SLC1A7: variants seen among roughly 807,000 people sequenced by gnomAD.
The protein encoded by SLC1A7 is excitatory amino acid transporter 5.
SLC1A7 carries 40 observed loss-of-function variants against 47.7 expected under a neutral mutation model. That is an observed-to-expected ratio of 0.84 (90% CI 0.65 to 1.09). The LOEUF (loss-of-function observed/expected upper bound fraction) is 1.09, where lower values mean the gene tolerates loss of function less well. Among genes scored for constraint, SLC1A7 ranks in the 50% least tolerant of loss-of-function variants. The probability of loss-of-function intolerance (pLI) is 0.00; values close to 1 mark genes in which losing one functional copy is unlikely to be tolerated. For missense variants in SLC1A7, 746 were observed against 769.5 expected, an observed-to-expected ratio of 0.97 and a Z score of 0.36; for synonymous variants, 323 against 325.6, an observed-to-expected ratio of 0.99 and a Z score of 0.09.
chr1:53,095,635 G>A (rs764405930), intron 5 of SLC1A7, among the ~76,000 whole-genome samples: 8 of 137,352 alleles, frequency 5.8e-5, no homozygotes, highest in African/African-American at 1.4e-4. Context: ...ACTTAAACCC[G>A]CCTCAGTACA....
intron 8 of SLC1A7, chr1:53,090,399 C>T (rs1245732490): frequency 1.3e-6 from 1 of 745,570 alleles, no homozygotes; most frequent in African/African-American, 1.8e-5. Flanking sequence ...GGTCCTGAGT[C>T]CTGTCCCTGG....
At chr1:53,090,002 A>C in intron 8 of SLC1A7, 68 bp from the exon 9 acceptor site, 1 of 1,576,958 alleles carries the variant, frequency 6.3e-7, no homozygotes, top group Non-Finnish European at 8.7e-7. Flanking sequence ...GTCTGGCTCC[A>C]AGGAAGAGGT....
chr1:53,123,297 C>T (rs1644844503), intron 2 of SLC1A7, among the ~76,000 whole-genome samples: 1 of 152,244 alleles, frequency 6.6e-6, no homozygotes, highest in Admixed American at 6.5e-5. Flanking sequence ...CCCCTCCCTG[C>T]ACCAGCAGGG....
rs921395671 is a variant in SLC1A7 at position 53,103,186 on chromosome 1, G to A, written c.697+160C>T. 6.9e-5 allele frequency: 41 copies of A among 591,018 alleles called. 1 individual carries two copies. The highest frequency in any genetic ancestry group is 5.3e-4 in the Admixed American group (15 of 28,140). 36.6% of individuals were successfully genotyped at this position (591,018 alleles called of 1,614,324 possible). On this transcript the variant is annotated intron_variant, in intron 5 of 10. Transcript: ENST00000371494. ...AGCCCCTGGGGTGGGGTGGGGAGGC[G>A]AAGGATTTAAATAAACAGGTGTGGT...
chr1:53,134,527 C>T, intron 1 of SLC1A7, 98 bp from the exon 2 acceptor site: 1 of 728,436 alleles, frequency 1.4e-6, no homozygotes, highest in Non-Finnish European at 2.3e-6. Context: ...ATCTGACTCC[C>T]CTGTCTAGCA....
At chr1:53,114,193 G>T (rs1389932713) in intron 3 of SLC1A7, among the ~76,000 whole-genome samples, 1 of 152,202 alleles carries the variant, frequency 6.6e-6, no homozygotes, top group Non-Finnish European at 1.5e-5. Flanking sequence ...GAAGGTGGCT[G>T]TGCCGCTGGG....
intron 2 of SLC1A7, chr1:53,115,793 G>A (rs909662184): frequency 3.3e-5 from 5 of 152,232 alleles, no homozygotes; most frequent in Admixed American, 1.3e-4. Context: ...CTCTCCTCTC[G>A]GCTCCTCCCC....
intron 1 of SLC1A7, among the ~76,000 whole-genome samples, chr1:53,139,610 A>G (rs1645035669): frequency 6.6e-6 from 1 of 152,236 alleles, no homozygotes; most frequent in South Asian, 2.1e-4. Context: ...CACCCTGCCT[A>G]GTGCAGCATC....
intron 5 of SLC1A7, among the ~76,000 whole-genome samples, chr1:53,095,553 C>T (rs1373564222): frequency 1.4e-5 from 2 of 146,084 alleles, no homozygotes; most frequent in Non-Finnish European, 3.0e-5. Context: ...ACACTCAACT[C>T]GCCTTGGTAC....
At chr1:53,126,340 T>A (rs150676766) in intron 2 of SLC1A7, among the ~76,000 whole-genome samples, 3,295 of 152,268 alleles carry the variant, frequency 0.022, 126 homozygotes, top group African/African-American at 0.075. Flanking sequence ...TTTAAATGAT[T>A]TTCTCCCTTT....
In SLC1A7 at chr1:53,090,737, G is replaced by A; in HGVS notation, c.1101C>T (p.Arg367=). The change falls in exon 8 of 11, where the codon CGC becomes CGT. Residue 367 remains arginine, a synonymous_variant. Transcript: ENST00000371494. The stretch of plus-strand genomic sequence containing the variant: ...TGGTGGCACCCACGGGCAGCACGAA[G>A]CGAGCGATGCGCCGGTCGATGTGGT... ...ENNHIDRRIA[R]FVLPVGATIN... The A allele has an allele frequency of 6.2e-7, 1 of 1,613,986 alleles. No individual in the cohort carries two copies. The highest frequency in any genetic ancestry group is 1.1e-5 in the South Asian group (1 of 91,016).
chr1:53,124,929 A>G (rs939654985), intron 2 of SLC1A7, among the ~76,000 whole-genome samples: 2 of 152,252 alleles, frequency 1.3e-5, no homozygotes, highest in Non-Finnish European at 2.9e-5. Flanking sequence ...ATTGGGGGAA[A>G]ACCAAAGCAA....
intron 3 of SLC1A7, among the ~76,000 whole-genome samples, chr1:53,110,087 C>A (rs909331936): frequency 6.6e-6 from 1 of 152,216 alleles, no homozygotes; most frequent in Non-Finnish European, 1.5e-5. Context: ...GGGCTCTGCC[C>A]AGCCCTCCCA....
chr1:53,097,376 TCACA>T (rs1644507877), intron 5 of SLC1A7, among the ~76,000 whole-genome samples: 2 of 125,178 alleles, frequency 1.6e-5, no homozygotes, highest in African/African-American at 3.0e-5. Context: ...CTCGGTACAC[TCACA>T]CACACTGCCT....
At chr1:53,098,676 ACT>A (rs1644531325) in intron 5 of SLC1A7, among the ~76,000 whole-genome samples, 3 of 150,638 alleles carry the variant, frequency 2.0e-5, no homozygotes, top group Non-Finnish European at 4.4e-5. Context: ...GCCTGAGTAC[ACT>A]CATACCACCT....
At chr1:53,111,881 C>T (rs1449597406) in intron 3 of SLC1A7, among the ~76,000 whole-genome samples, 1 of 152,208 alleles carries the variant, frequency 6.6e-6, no homozygotes, top group Non-Finnish European at 1.5e-5. Context: ...GGATCTCTTT[C>T]TGGCTCCAGA....
chr1:53,118,330 C>T (rs1644784410), intron 2 of SLC1A7: 1 of 152,242 alleles, frequency 6.6e-6, no homozygotes, highest in Admixed American at 6.5e-5. Context: ...TAATTATTAT[C>T]TTTGGGTGTT....
intron 5 of SLC1A7, among the ~76,000 whole-genome samples, chr1:53,098,593 TA>T (rs1644530452): frequency 2.4e-5 from 3 of 122,876 alleles, no homozygotes; most frequent in African/African-American, 6.3e-5. Flanking sequence ...GGTACACACA[TA>T]CACACCGCCT....
In SLC1A7 at chr1:53,102,006, C is replaced by T. The variant is rs982724818; in HGVS notation, c.697+1340G>A. ...TGCACGGACAGTTACACATGCGCAG[C>T]GAACGCTCAGCGAGTTGAGTCCAAG... On this transcript the variant is annotated intron_variant, in intron 5 of 10. Transcript: ENST00000371494. Among the ~76,000 whole-genome samples, 10 of 152,226 alleles carry T rather than the reference C, an allele frequency of 6.6e-5. 1 individual carries two copies. The East Asian group carries it at 9.6e-4, about 15-fold the overall frequency.
Sources: gnomAD v4.1 joint callset for allele counts (sites outside exome capture counted in the v4.1 genomes callset) on GRCh38, gnomAD v4.1.1 for gene constraint, MANE v1.5 for transcripts, NCBI Gene and HGNC (gene_info 2026-07-23, HGNC 2026-07-21) for gene names.